The following KIRREL3 variants were observed in gnomAD, a reference collection of about 807,000 sequenced individuals.
KIRREL3 encodes the protein kirre like nephrin family adhesion molecule 3, also known as kin of IRRE-like protein 3.
In KIRREL3, 36 loss-of-function variants were observed where a neutral mutation model predicts 89.7. The observed-to-expected ratio is 0.40, with a 90% CI of 0.31 to 0.53. The LOEUF (loss-of-function observed/expected upper bound fraction) is 0.53, where lower values mean the gene tolerates loss of function less well. KIRREL3 is among the 20% of genes least tolerant of loss of function. KIRREL3 has a pLI of 0.49. For missense variants in KIRREL3, 864 were observed against 1,056.6 expected (o/e 0.82, Z 2.53); for synonymous variants, 445 against 441.4 (o/e 1.01, Z -0.10).
At chr11:126,932,136 C>T (rs1947972283) in intron 1 of KIRREL3, among the ~76,000 whole-genome samples, 1 of 152,158 alleles carries the variant, frequency 6.6e-6, no homozygotes, top group Non-Finnish European at 1.5e-5. Context: ...ATCAAGAATC[C>T]CCTCTGCTGA....
At chr11:126,932,018 T>A (rs979869350) in intron 1 of KIRREL3, among the ~76,000 whole-genome samples, 4 of 152,210 alleles carry the variant, frequency 2.6e-5, no homozygotes, top group African/African-American at 9.7e-5. Flanking sequence ...AGGCTTGGTA[T>A]TGATTTTGAA....
intron 2 of KIRREL3, among the ~76,000 whole-genome samples, chr11:126,560,042 T>C (rs1237156113): frequency 1.3e-5 from 2 of 152,136 alleles, no homozygotes; most frequent in African/African-American, 2.4e-5. Context: ...AAGAAATTGG[T>C]ATTATTTTTA....
rs774585378 is a variant in KIRREL3 at position 126,513,487 on chromosome 11, G to A, written c.433+7828C>T. Among the ~76,000 whole-genome samples the A allele has an allele frequency of 5.3e-5, 8 of 152,158 alleles. No individual in the cohort carries two copies. Among genetic ancestry groups the A allele is most frequent in the African/African-American group, 1.2e-4 (5 of 41,438 alleles). On this transcript the variant is annotated intron_variant, in intron 4 of 16. Transcript: ENST00000525144. This position sits in a 1 kb window ranked among gnomAD's most constrained non-coding sequence, Gnocchi z 5.9. ...CACTCAGGCAGGGAAGGGAAAAGAT[G>A]CGCTGAGTTTGCCTCCATCCCTGAG...
At position 126,557,055 on chromosome 11, in the gene KIRREL3, C is replaced by T. The variant is rs1939761210; in HGVS notation, c.133+5780G>A. ...ATGGGCTCAGGAAAATGACTGTGGC[C>T]CTTAGCGCGAGCCAGACTGTACGGC... is the stretch of plus-strand genomic sequence containing the variant. On this transcript the variant is annotated intron_variant, in intron 2 of 16. Transcript: ENST00000525144. This position sits in a 1 kb window ranked among gnomAD's most constrained non-coding sequence, Gnocchi z 5.6. Among the ~76,000 whole-genome samples, 1 of 152,174 alleles carries T rather than the reference C, an allele frequency of 6.6e-6. No individual in the cohort carries two copies. Among genetic ancestry groups the T allele is most frequent in the Admixed American group, 6.5e-5 (1 of 15,288 alleles).
chr11:126,514,794 G>A (rs901381451), intron 4 of KIRREL3, among the ~76,000 whole-genome samples: 1 of 151,774 alleles, frequency 6.6e-6, no homozygotes, highest in African/African-American at 2.4e-5. Flanking sequence ...GAGGCCAGGC[G>A]CTTAGCCACA....
At chr11:126,511,047 CTG>C (rs55885385) in intron 4 of KIRREL3, among the ~76,000 whole-genome samples, 1,796 of 141,586 alleles carry the variant, frequency 0.013, 28 homozygotes, top group African/African-American at 0.039. Flanking sequence ...ATCTGCAGTG[CTG>C]TGTGTGTGTG....
rs150357119 is a variant in KIRREL3, at chr11:126,484,582, A to G, written c.434-11116T>C. Among the ~76,000 whole-genome samples the G allele has an allele frequency of 6.6e-6, 1 of 152,250 alleles. No individual in the cohort carries two copies. The highest frequency in any genetic ancestry group is 2.1e-4 in the South Asian group (1 of 4,838). ...TTCCAGACTTAACAAATCAAAGAAC[A>G]GTAGGCCCTGTTAAATGTAAATTTC... On this transcript the variant is annotated intron_variant, in intron 4 of 16. Coordinates refer to ENST00000525144, the MANE Select transcript of KIRREL3 (RefSeq NM_032531.4). This position sits in a 1 kb window ranked among gnomAD's most constrained non-coding sequence, Gnocchi z 5.2.
At chr11:126,827,158 AT>A (rs1408771267) in intron 1 of KIRREL3, among the ~76,000 whole-genome samples, 2 of 149,396 alleles carry the variant, frequency 1.3e-5, no homozygotes, top group African/African-American at 2.5e-5. Flanking sequence ...AAGAATCAAT[AT>A]GGAAGTCTTC....
chr11:126,923,437 T>C (rs1464215410), intron 1 of KIRREL3, among the ~76,000 whole-genome samples: 34 of 129,718 alleles, frequency 2.6e-4, no homozygotes, highest in South Asian at 8.5e-4. Flanking sequence ...CTTCCTCTTC[T>C]TCTCCTTCTT....
In KIRREL3 at chr11:126,668,086, G is replaced by A. The variant is rs930664606; in HGVS notation, c.56-105174C>T. 6.6e-6 allele frequency among the ~76,000 whole-genome samples: 1 copy of A among 152,016 alleles called. No individual in the cohort carries two copies. Among genetic ancestry groups the A allele is most frequent in the Non-Finnish European group, 1.5e-5 (1 of 68,006 alleles). On this transcript the variant is annotated intron_variant, in intron 1 of 16. Coordinates refer to ENST00000525144, the MANE Select transcript of KIRREL3 (RefSeq NM_032531.4). This position sits in a 1 kb window ranked among gnomAD's most constrained non-coding sequence, Gnocchi z 4.4. Reference sequence around the variant, plus strand: ...GAGCCCCTGTGTCTTAGTCAGTTTCGGCTATAACAAAACACCATAAACTGG... The same window carrying A: ...GAGCCCCTGTGTCTTAGTCAGTTTCAGCTATAACAAAACACCATAAACTGG...
At position 126,748,126 on chromosome 11, in the gene KIRREL3, G is replaced by GT. The variant is rs1391311721; in HGVS notation, c.56-185215dup. On this transcript the variant is annotated intron_variant, in intron 1 of 16. Transcript: ENST00000525144. The surrounding 1 kb of genome is among the most constrained non-coding windows in gnomAD (Gnocchi z 4.6). Reference sequence around the variant, plus strand: ...TGGCCAGTCACTGAAAAGCTGAATTGTTTTTATGTTATTCCCGTTCCAGTG... The same window carrying GT: ...TGGCCAGTCACTGAAAAGCTGAATTGTTTTTTATGTTATTCCCGTTCCAGTG... Among the ~76,000 whole-genome samples, 2 of 152,186 alleles carry GT rather than the reference G, an allele frequency of 1.3e-5. No homozygotes were observed. Among genetic ancestry groups the GT allele is most frequent in the African/African-American group, 4.8e-5 (2 of 41,448 alleles).
chr11:126,447,823 G>A (rs980768901), intron 8 of KIRREL3, among the ~76,000 whole-genome samples: 11 of 152,216 alleles, frequency 7.2e-5, no homozygotes, highest in East Asian at 5.8e-4. Context: ...CACTTTCTTC[G>A]GAGGCTTCAA....
chr11:126,851,168 G>A (rs528374877), intron 1 of KIRREL3, among the ~76,000 whole-genome samples: 2 of 152,312 alleles, frequency 1.3e-5, no homozygotes, highest in Non-Finnish European at 2.9e-5. Flanking sequence ...CTTAGGACCC[G>A]ACTGCCATTG....
In KIRREL3 at chr11:126,492,362, G is replaced by A. The variant is rs926815913; in HGVS notation, c.434-18896C>T. On this transcript the variant is annotated intron_variant, in intron 4 of 16. Coordinates refer to ENST00000525144, the MANE Select transcript of KIRREL3 (RefSeq NM_032531.4). This position sits in a 1 kb window ranked among gnomAD's most constrained non-coding sequence, Gnocchi z 4.8. ...TGTGACAAGGTGACATGACCCTAAG[G>A]CAGGGGGATGGACCTGGTGGCTCTG... Among the ~76,000 whole-genome samples the A allele has an allele frequency of 2.6e-5, 4 of 152,158 alleles. No homozygotes were observed. The highest frequency in any genetic ancestry group is 4.4e-5 in the Non-Finnish European group (3 of 68,014).
rs905764562 is a variant in KIRREL3 at position 126,568,280 on chromosome 11, T to C, written c.56-5368A>G. ...ATTTCATAAAGGATCCCTTCAGCAC[T>C]GGTGCAGATGATGGATGGGAGATGA... On this transcript the variant is annotated intron_variant, in intron 1 of 16. Coordinates refer to ENST00000525144, the MANE Select transcript of KIRREL3 (RefSeq NM_032531.4). The surrounding 1 kb of genome is among the most constrained non-coding windows in gnomAD (Gnocchi z 4.6). Among the ~76,000 whole-genome samples, 1 of 150,200 alleles carries C rather than the reference T, an allele frequency of 6.7e-6. No individual in the cohort carries two copies. Among genetic ancestry groups the C allele is most frequent in the Non-Finnish European group, 1.5e-5 (1 of 67,030 alleles).
chr11:126,473,405 A>T lies in KIRREL3; in HGVS notation c.495T>A (p.Pro165=). 1 of 1,589,622 alleles carries T rather than the reference A, an allele frequency of 6.3e-7. No homozygotes were observed. The highest frequency in any genetic ancestry group is 8.6e-7 in the Non-Finnish European group (1 of 1,167,294). The change falls in exon 5 of 17, where the codon CCT becomes CCA. Residue 165 remains proline, a synonymous_variant. Transcript: ENST00000525144. The part of the protein sequence containing the change: ...GPVISLRAGD[P]LNLTCHADNA... ...TGTCTGCGTGGCAGGTGAGGTTGAGAGGGTCCCCCGCACGCAGGCTGATCA... is the reference window on the plus strand; with the variant it reads ...TGTCTGCGTGGCAGGTGAGGTTGAGTGGGTCCCCCGCACGCAGGCTGATCA...
rs1297991309 is a variant in KIRREL3 at position 126,761,354 on chromosome 11, T to C, written c.56-198442A>G. 1.3e-5 allele frequency among the ~76,000 whole-genome samples: 2 copies of C among 152,122 alleles called. No individual in the cohort carries two copies. Among genetic ancestry groups the C allele is most frequent in the Non-Finnish European group, 2.9e-5 (2 of 68,016 alleles). On this transcript the variant is annotated intron_variant, in intron 1 of 16. Coordinates refer to ENST00000525144, the MANE Select transcript of KIRREL3 (RefSeq NM_032531.4). This position sits in a 1 kb window ranked among gnomAD's most constrained non-coding sequence, Gnocchi z 4.4. ...ATGAGTTGGCTTCTCAGGAGTTTCC[T>C]ACTCGCTGGGGCCTGTGAGGCACAG...
At chr11:126,963,396 T>C (rs894504568) in intron 1 of KIRREL3, among the ~76,000 whole-genome samples, 1 of 151,560 alleles carries the variant, frequency 6.6e-6, no homozygotes, top group African/African-American at 2.4e-5. Flanking sequence ...TGCTTGCAAA[T>C]AGGCCCATTA....
At chr11:126,592,107 C>A (rs1164003372) in intron 1 of KIRREL3, among the ~76,000 whole-genome samples, 1 of 152,156 alleles carries the variant, frequency 6.6e-6, no homozygotes, top group African/African-American at 2.4e-5. Context: ...CATTCCAGGG[C>A]CTTTTGTCGA....
Sources: allele counts gnomAD v4.1 joint callset (sites outside exome capture counted in the v4.1 genomes callset), GRCh38; gene constraint gnomAD v4.1.1; non-coding constraint Gnocchi (gnomAD v3.1); transcripts MANE v1.5; gene names NCBI Gene and HGNC (gene_info 2026-07-23, HGNC 2026-07-21).